The following WDR70 variants were observed in gnomAD, a reference collection of about 807,000 sequenced individuals.
WDR70 encodes the protein WD repeat domain 70.
A neutral mutation model predicts 88.6 loss-of-function variants in WDR70; 53 were observed. The ratio of observed to expected loss-of-function variants is 0.60; its 90% confidence interval spans 0.48 to 0.75. The LOEUF (loss-of-function observed/expected upper bound fraction) is 0.75. WDR70 is among the 30% of genes least tolerant of loss of function. The pLI, the probability that WDR70 is intolerant of heterozygous loss-of-function variation, is 0.00. For synonymous variants in WDR70, 280 were observed against 270.0 expected (o/e 1.04, Z -0.36); for missense variants, 610 against 823.2 (o/e 0.74, Z 3.17).
intron 10 of WDR70, among the ~76,000 whole-genome samples, chr5:37,611,857 G>A (rs1215607816): frequency 1.3e-5 from 2 of 149,748 alleles, no homozygotes; most frequent in Non-Finnish European, 3.0e-5. Flanking sequence ...TGTATGGAGA[G>A]CTTTTTAAAT....
intron 4 of WDR70, among the ~76,000 whole-genome samples, chr5:37,394,465 A>G (rs1460663822): frequency 6.6e-6 from 1 of 152,202 alleles, no homozygotes; most frequent in African/African-American, 2.4e-5. Flanking sequence ...AGATATAGCA[A>G]TTAGCAAGTC....
intron 9 of WDR70, among the ~76,000 whole-genome samples, chr5:37,590,175 T>TG (rs977783353): frequency 6.6e-6 from 1 of 152,130 alleles, no homozygotes; most frequent in African/African-American, 2.4e-5. Context: ...TAGAAAAGGA[T>TG]GGGGAAATTC....
intron 9 of WDR70, among the ~76,000 whole-genome samples, chr5:37,531,475 C>T (rs1741481342): frequency 6.6e-6 from 1 of 151,722 alleles, no homozygotes; most frequent in South Asian, 2.1e-4. Flanking sequence ...TATATGCATA[C>T]ATACATATAT....
rs1300142768 is a variant in WDR70 at position 37,464,293 on chromosome 5, C to G, written c.687-15541C>G. 3.3e-5 allele frequency among the ~76,000 whole-genome samples: 5 copies of G among 152,128 alleles called. No homozygotes were observed. In the South Asian group the frequency reaches 6.2e-4, roughly 19 times the overall value. On this transcript the variant is annotated intron_variant, in intron 7 of 17. Coordinates refer to ENST00000265107, the MANE Select transcript of WDR70 (RefSeq NM_018034.4). ...TCTTTAGAGACTTTGGTTTAGCGCT[C>G]TGAACTTTCTGATTATCAGATCTTA...
chr5:37,561,429 G>C (rs74783727), intron 9 of WDR70, among the ~76,000 whole-genome samples: 6,113 of 152,208 alleles, frequency 0.04, 441 homozygotes, highest in African/African-American at 0.14. Flanking sequence ...TATACACTAT[G>C]CTAAAACAGC....
intron 10 of WDR70, among the ~76,000 whole-genome samples, chr5:37,656,414 C>G (rs1318749123): frequency 6.6e-6 from 1 of 152,174 alleles, no homozygotes; most frequent in Non-Finnish European, 1.5e-5. Context: ...AGTCAGGAGA[C>G]ACGGGGGTCA....
intron 3 of WDR70, among the ~76,000 whole-genome samples, chr5:37,382,869 T>C (rs13181042): frequency 6.6e-6 from 1 of 151,810 alleles, no homozygotes; most frequent in African/African-American, 2.4e-5. Context: ...AAAAACTATC[T>C]GGGTGTGGTG....
chr5:37,411,496 C>T (rs911004102), intron 5 of WDR70, among the ~76,000 whole-genome samples: 5 of 152,108 alleles, frequency 3.3e-5, no homozygotes, highest in African/African-American at 9.6e-5. Context: ...GAGGCCAGGG[C>T]GGGTGGATCA....
intron 10 of WDR70, among the ~76,000 whole-genome samples, chr5:37,659,791 A>G (rs1043299973): frequency 6.6e-6 from 1 of 152,062 alleles, no homozygotes; most frequent in African/African-American, 2.4e-5. Flanking sequence ...CTCTTCTTAT[A>G]TGGACACTAA....
At chr5:37,585,781 G>C (rs994741040) in intron 9 of WDR70, among the ~76,000 whole-genome samples, 1 of 152,082 alleles carries the variant, frequency 6.6e-6, no homozygotes, top group Non-Finnish European at 1.5e-5. Context: ...ACATTGCTTG[G>C]GTTCCTGCCC....
At chr5:37,379,415 G>T in intron 1 of WDR70, 23 bp downstream of exon 1, 3 of 1,613,620 alleles carry the variant, frequency 1.9e-6, no homozygotes, top group African/African-American at 2.7e-5. Context: ...AGGCGAGTCC[G>T]GGCGGGGTGG....
chr5:37,460,716 TAAA>T (rs1738969422), intron 7 of WDR70, among the ~76,000 whole-genome samples: 1 of 141,430 alleles, frequency 7.1e-6, no homozygotes, highest in African/African-American at 2.5e-5. Context: ...AAATAAAAAA[TAAA>T]AAATAAAAAC....
At chr5:37,481,923 A>T (rs577324061) in intron 8 of WDR70, among the ~76,000 whole-genome samples, 5 of 152,128 alleles carry the variant, frequency 3.3e-5, no homozygotes, top group Non-Finnish European at 7.4e-5. Flanking sequence ...CTCTAGAAAA[A>T]AATTCTTATT....
intron 9 of WDR70, among the ~76,000 whole-genome samples, chr5:37,562,874 G>A (rs1002890271): frequency 5.3e-5 from 8 of 151,804 alleles, no homozygotes; most frequent in South Asian, 4.2e-4. Context: ...GCAACCATTC[G>A]ATTTCTCAAT....
intron 8 of WDR70, among the ~76,000 whole-genome samples, chr5:37,499,587 T>TTTTCTCTCTCTCTCTCTCTCTCTC (rs1554144047): frequency 2.4e-5 from 1 of 41,854 alleles, no homozygotes; most frequent in Admixed American, 3.2e-4. Context: ...TTTGGAAATA[T>TTTTCTCTCTCTCTCTCTCTCTCTC]TCTCTCTCTC....
intron 10 of WDR70, among the ~76,000 whole-genome samples, chr5:37,667,975 A>G (rs537395684): frequency 3.3e-5 from 5 of 152,216 alleles, no homozygotes; most frequent in African/African-American, 1.2e-4. Context: ...TTTATTGTGA[A>G]TCTTCAAGAC....
At chr5:37,457,784 C>T (rs1738890536) in intron 7 of WDR70, among the ~76,000 whole-genome samples, 1 of 152,082 alleles carries the variant, frequency 6.6e-6, no homozygotes, top group Non-Finnish European at 1.5e-5. Context: ...GAACTCTAGT[C>T]CATGGCTTGT....
At chr5:37,400,637 T>C (rs1031214161) in intron 5 of WDR70, among the ~76,000 whole-genome samples, 1 of 152,160 alleles carries the variant, frequency 6.6e-6, no homozygotes, top group Non-Finnish European at 1.5e-5. Context: ...CATTTGTCCA[T>C]ATTTTGATTG....
intron 9 of WDR70, among the ~76,000 whole-genome samples, chr5:37,555,291 G>A (rs570003209): frequency 1.3e-5 from 2 of 152,302 alleles, no homozygotes; most frequent in Non-Finnish European, 2.9e-5. Flanking sequence ...TGATTTATAA[G>A]CATTAAATGA....
Sources: allele counts gnomAD v4.1 joint callset (sites outside exome capture counted in the v4.1 genomes callset), GRCh38; gene constraint gnomAD v4.1.1; transcripts MANE v1.5; gene names NCBI Gene and HGNC (gene_info 2026-07-23, HGNC 2026-07-21).